PARD3: variants seen among roughly 807,000 people sequenced by gnomAD.
The protein encoded by PARD3 is partitioning defective 3 homolog.
A neutral mutation model predicts 155.4 loss-of-function variants in PARD3; 75 were observed. That is an observed-to-expected ratio of 0.48 (90% CI 0.40 to 0.58). The LOEUF is 0.58. Among genes scored for constraint, PARD3 ranks in the 20% least tolerant of loss-of-function variants. PARD3 has a pLI of 0.00. For missense variants in PARD3, 1,642 were observed against 1,721.7 expected, an observed-to-expected ratio of 0.95 and a Z score of 0.82; for synonymous variants, 576 against 610.5, an observed-to-expected ratio of 0.94 and a Z score of 0.83.
intron 2 of PARD3, among the ~76,000 whole-genome samples, chr10:34,521,431 T>C (rs1226457917): frequency 6.6e-6 from 1 of 151,278 alleles, no homozygotes; most frequent in Non-Finnish European, 1.5e-5. Flanking sequence ...ATCTCCATCA[T>C]GCCCTTCAAA....
At chr10:34,182,740 C>CA (rs1950320404) in intron 22 of PARD3, among the ~76,000 whole-genome samples, 1 of 92,668 alleles carries the variant, frequency 1.1e-5, no homozygotes. Context: ...AACTACATTT[C>CA]TTAAAAAAAA....
At chr10:34,398,351 T>C (rs1346957550) in intron 7 of PARD3, among the ~76,000 whole-genome samples, 4 of 152,210 alleles carry the variant, frequency 2.6e-5, no homozygotes, top group Non-Finnish European at 5.9e-5. Context: ...TGCCTGTAAT[T>C]ACTTGACAAC....
chr10:34,669,181 T>C (rs185728588), intron 2 of PARD3, among the ~76,000 whole-genome samples: 11 of 152,214 alleles, frequency 7.2e-5, no homozygotes, highest in African/African-American at 2.6e-4. Flanking sequence ...TCAGCACTAG[T>C]CACAATAGCA....
intron 22 of PARD3, among the ~76,000 whole-genome samples, chr10:34,189,662 T>C (rs1326541049): frequency 6.6e-6 from 1 of 152,204 alleles, no homozygotes; most frequent in Non-Finnish European, 1.5e-5. Flanking sequence ...CCTACTGAAG[T>C]ATGATGTTTG....
intron 2 of PARD3, among the ~76,000 whole-genome samples, chr10:34,583,976 A>G (rs1367732436): frequency 6.6e-6 from 1 of 152,180 alleles, no homozygotes; most frequent in African/African-American, 2.4e-5. Context: ...ATTTTATTAG[A>G]GCCTTTGGTA....
intron 1 of PARD3, among the ~76,000 whole-genome samples, chr10:34,800,706 C>T (rs1483078676): frequency 6.6e-6 from 1 of 152,060 alleles, no homozygotes; most frequent in East Asian, 1.9e-4. Flanking sequence ...GACTCCTTCA[C>T]AGTAAGTTAG....
chr10:34,732,178 A>G (rs1293046147), intron 1 of PARD3, among the ~76,000 whole-genome samples: 2 of 152,194 alleles, frequency 1.3e-5, no homozygotes, highest in African/African-American at 4.8e-5. Context: ...GGTAAGAAAA[A>G]AAAAGAAACG....
chr10:34,546,496 A>G (rs987217169), intron 2 of PARD3, among the ~76,000 whole-genome samples: 1 of 150,538 alleles, frequency 6.6e-6, no homozygotes, highest in African/African-American at 2.5e-5. Context: ...CAGCCCGGGC[A>G]ACAGTGCAAG....
intron 2 of PARD3, among the ~76,000 whole-genome samples, chr10:34,591,058 G>A (rs765483100): frequency 5.3e-5 from 8 of 152,044 alleles, no homozygotes; most frequent in Non-Finnish European, 1.0e-4. Context: ...AGTAACAGGG[G>A]AAAACACACC....
intron 22 of PARD3, among the ~76,000 whole-genome samples, chr10:34,178,186 A>G (rs1950119240): frequency 6.6e-6 from 1 of 152,236 alleles, no homozygotes; most frequent in South Asian, 2.1e-4. Flanking sequence ...TGCATTGTGA[A>G]TAAGCTAAGC....
At chr10:34,529,228 G>T (rs1170549591) in intron 2 of PARD3, among the ~76,000 whole-genome samples, 1 of 152,196 alleles carries the variant, frequency 6.6e-6, no homozygotes, top group Admixed American at 6.5e-5. Context: ...TCTGAATGCG[G>T]ATCACCCATG....
At chr10:34,789,668 C>G (rs752398157) in intron 1 of PARD3, among the ~76,000 whole-genome samples, 2 of 152,106 alleles carry the variant, frequency 1.3e-5, no homozygotes, top group Non-Finnish European at 2.9e-5. Context: ...AGCACCACTG[C>G]ACTCTAACCT....
Position 34,753,097 on chromosome 10 carries a change from G to A in PARD3, c.121-56678C>T, listed in dbSNP as rs1236998470. ...CCTGTTGTTTCAGTTCCAAGGACAG[G>A]GCCTCAGGATTGGTCTGAAAAGCAC... On this transcript the variant is annotated intron_variant, in intron 1 of 24. Coordinates refer to ENST00000374788, the MANE Select transcript of PARD3 (RefSeq NM_001184785.2). 2.6e-5 allele frequency among the ~76,000 whole-genome samples: 4 copies of A among 152,312 alleles called. No homozygotes were observed. The East Asian group carries it at 7.7e-4, about 29-fold the overall frequency.
rs146937566 is a variant in PARD3 at position 34,331,414 on chromosome 10, C to T, written c.2606-70G>A. 5.6e-4 allele frequency: 518 copies of T among 921,236 alleles called. 3 individuals are homozygous for T. The African/African-American group carries it at 7.4e-3, about 13-fold the overall frequency. The allele number at this position is 921,236 out of a possible 1,614,324, so 57.1% of individuals were successfully genotyped here. ...AATTATGTACCTGAATATGCACTGT[C>T]GAAAACTTCAGGTACATAACAATTA... On this transcript the variant is annotated intron_variant, in intron 18 of 24. Coordinates refer to ENST00000374788, the MANE Select transcript of PARD3 (RefSeq NM_001184785.2).
intron 12 of PARD3, among the ~76,000 whole-genome samples, chr10:34,368,646 TG>T (rs1840236039): frequency 6.6e-6 from 1 of 151,580 alleles, no homozygotes; most frequent in African/African-American, 2.4e-5. Context: ...CACTCCAGCC[TG>T]GAAGACAGAG....
intron 1 of PARD3, among the ~76,000 whole-genome samples, chr10:34,745,427 G>GGAGGGAAAGAGA (rs929330831): frequency 1.5e-5 from 1 of 64,556 alleles, no homozygotes; most frequent in African/African-American, 5.0e-5. Context: ...AGGAAGGGAG[G>GGAGGGAAAGAGA]GAGGGAAAGA....
rs35297324 is a variant in PARD3 at position 34,675,933 on chromosome 10, C to T, written c.222+20385G>A. 236 of 168,146 alleles carry T rather than the reference C, an allele frequency of 1.4e-3. 1 individual carries two copies. Among genetic ancestry groups the T allele is most frequent in the Non-Finnish European group, 2.6e-3 (193 of 74,972 alleles). The allele number at this position is 168,146 out of a possible 1,614,324, so 10.4% of individuals were successfully genotyped here. On this transcript the variant is annotated intron_variant, in intron 2 of 24. Transcript: ENST00000374788. ...TACTTGTCTAAGGCTCTGGCGGCTCCGCGAATCTCATGTGCTGGGCCATCA... is the reference window on the plus strand; with the variant it reads ...TACTTGTCTAAGGCTCTGGCGGCTCTGCGAATCTCATGTGCTGGGCCATCA...
At chr10:34,724,112 T>C (rs1392181190) in intron 1 of PARD3, among the ~76,000 whole-genome samples, 1 of 152,226 alleles carries the variant, frequency 6.6e-6, no homozygotes, top group Non-Finnish European at 1.5e-5. Context: ...AGGGACAGTA[T>C]ATACATAATC....
intron 1 of PARD3, among the ~76,000 whole-genome samples, chr10:34,773,826 A>G (rs1179245678): frequency 1.3e-5 from 2 of 152,192 alleles, no homozygotes; most frequent in Non-Finnish European, 2.9e-5. Flanking sequence ...TGATGGGGTT[A>G]AAGTGCCTCA....
Sources: allele counts gnomAD v4.1 joint callset (sites outside exome capture counted in the v4.1 genomes callset), GRCh38; gene constraint gnomAD v4.1.1; transcripts MANE v1.5; gene names NCBI Gene and HGNC (gene_info 2026-07-23, HGNC 2026-07-21).